The following XK variants were observed in gnomAD, a reference collection of about 807,000 sequenced individuals.
The protein encoded by XK is endoplasmic reticulum membrane adapter protein XK.
XK carries 2 observed loss-of-function variants against 14.0 expected under a neutral mutation model. The ratio of observed to expected loss-of-function variants is 0.14; its 90% confidence interval spans 0.06 to 0.45. The LOEUF is 0.45. Ranked by LOEUF, XK falls within the 20% of genes least tolerant of loss-of-function variation. XK has a pLI of 0.98. For missense variants in XK, 235 were observed against 341.5 expected, an observed-to-expected ratio of 0.69 and a Z score of 2.46; for synonymous variants, 149 against 147.5, an observed-to-expected ratio of 1.01 and a Z score of -0.08.
rs1037730828 is a variant in XK at position 37,730,403 on chromosome X, T to C, written c.*1941T>C. The stretch of plus-strand genomic sequence containing the variant: ...GACTTTGAATAAAATAAAGCTACCA[T>C]GTTAATACATCATTTTTTGTTTCTT... On this transcript the variant is annotated 3_prime_UTR_variant, in exon 3 of 3. Transcript: ENST00000378616. The C allele has an allele frequency of 4.4e-5, 5 of 112,736 alleles. No individual in the cohort carries two copies. The highest frequency in any genetic ancestry group is 9.4e-5 in the Non-Finnish European group (5 of 53,307). 9.3% of individuals were successfully genotyped at this position (112,736 alleles called of 1,213,427 possible).
At position 37,690,868 on chromosome X, in the gene XK, T is replaced by G. The variant is rs782665837; in HGVS notation, c.246-3418T>G. On this transcript the variant is annotated intron_variant, in intron 1 of 2. Transcript: ENST00000378616. Reference sequence around the variant, plus strand: ...TAAAAGTATCTAATTTCTGGCTTTATTTAGACCTCTCAAGCAACAAACAAA... The same window carrying G: ...TAAAAGTATCTAATTTCTGGCTTTAGTTAGACCTCTCAAGCAACAAACAAA... 2.7e-5 allele frequency among the ~76,000 whole-genome samples: 3 copies of G among 112,422 alleles called. No homozygotes were observed. In the South Asian group the frequency reaches 1.1e-3, roughly 41 times the overall value.
Position 37,727,983 on chromosome X carries a change from C to T in XK, c.856C>T (p.Leu286Phe). The T allele has an allele frequency of 8.3e-7, 1 of 1,211,316 alleles. No individual in the cohort carries two copies. The highest frequency in any genetic ancestry group is 3.0e-5 in the East Asian group (1 of 33,806). ...CATTGTACTATGCTTTCTAACTTTA[C>T]TCTATACTGGTATCAACATGTTCTG... is the stretch of plus-strand genomic sequence containing the variant. ...TTIVLCFLTL[L>F]YTGINMFCWS... The change falls in exon 3 of 3, where the codon CTC becomes TTC. Residue 286 changes from leucine (L) to phenylalanine (F), a missense_variant. Transcript: ENST00000378616.
chrX:37,716,067 C>T (rs1433549580), intron 2 of XK, among the ~76,000 whole-genome samples: 2 of 112,201 alleles, frequency 1.8e-5, no homozygotes, highest in South Asian at 3.7e-4. Flanking sequence ...CTTGTCAAGG[C>T]TGTGCCTGAG....
chrX:37,705,426 T>C lies in XK; in HGVS notation c.508+10878T>C, dbSNP rs1332830865. Among the ~76,000 whole-genome samples, 16 of 107,185 alleles carry C rather than the reference T, an allele frequency of 1.5e-4. No individual in the cohort carries two copies. In the East Asian group the frequency reaches 4.0e-3, roughly 27 times the overall value. 93.1% of individuals were successfully genotyped at this position (107,185 alleles called of 115,157 possible). A position where few individuals can be genotyped will look rare whatever the true frequency, so the allele number is the denominator to read the frequency against. On this transcript the variant is annotated intron_variant, in intron 2 of 2. Transcript: ENST00000378616. ...GAGCTCGCGCCACTGGACTCCAGCCTGGGTGAAAGAGCGAGACTCTGTCTC... is the reference window on the plus strand; with the variant it reads ...GAGCTCGCGCCACTGGACTCCAGCCCGGGTGAAAGAGCGAGACTCTGTCTC...
At chrX:37,717,291 G>T (rs190107340) in intron 2 of XK, among the ~76,000 whole-genome samples, 1 of 111,604 alleles carries the variant, frequency 9.0e-6, no homozygotes, top group African/African-American at 3.3e-5. Context: ...TTAAGGCTAC[G>T]ATTCTGGAGC....
At chrX:37,716,048 CA>C (rs1200735310) in intron 2 of XK, among the ~76,000 whole-genome samples, 1 of 111,992 alleles carries the variant, frequency 8.9e-6, no homozygotes, top group Non-Finnish European at 1.9e-5. Context: ...CACCTCCACA[CA>C]AGGGTGTCTT....
At chrX:37,727,187 A>C (rs782095228) in intron 2 of XK, among the ~76,000 whole-genome samples, 2 of 111,722 alleles carry the variant, frequency 1.8e-5, no homozygotes, top group Admixed American at 9.5e-5. Flanking sequence ...GTGTGGAAGA[A>C]GAGAAATGAG....
intron 2 of XK, among the ~76,000 whole-genome samples, chrX:37,702,121 A>G (rs782476530): frequency 1.9e-3 from 214 of 111,853 alleles, no homozygotes; most frequent in Non-Finnish European, 3.4e-3. Context: ...TGCTGTTGCC[A>G]TGAAGTGATG....
intron 2 of XK, among the ~76,000 whole-genome samples, chrX:37,724,231 G>A (rs149842757): frequency 0.014 from 1,554 of 111,338 alleles, 25 homozygotes; most frequent in African/African-American, 0.047. Flanking sequence ...TGTACATTTA[G>A]ATAGAGACAA....
Position 37,694,369 on chromosome X carries a change from C to CA in XK, c.335dup (p.Asn112LysfsTer8). On this transcript the variant is annotated frameshift_variant, in exon 2 of 3. Coordinates refer to ENST00000378616, the MANE Select transcript of XK (RefSeq NM_021083.4). LOFTEE classifies it high-confidence loss of function. ...AGTATCACCAAGAAGAGGCAAATGC[C>CA]AAAAAATGGCCTCTCAGAGGAGATT... is the stretch of plus-strand genomic sequence containing the variant. 1 of 1,209,009 alleles carries CA rather than the reference C, an allele frequency of 8.3e-7. No homozygotes were observed. Among genetic ancestry groups the CA allele is most frequent in the Non-Finnish European group, 1.1e-6 (1 of 893,872 alleles).
chrX:37,731,666 T>C lies in XK; in HGVS notation c.*3204T>C, dbSNP rs1226979412. 9 of 112,010 alleles carry C rather than the reference T, an allele frequency of 8.0e-5. No homozygotes were observed. Among genetic ancestry groups the C allele is most frequent in the Non-Finnish European group, 1.7e-4 (9 of 53,157 alleles). 9.2% of individuals were successfully genotyped at this position (112,010 alleles called of 1,213,427 possible). On this transcript the variant is annotated 3_prime_UTR_variant, in exon 3 of 3. Transcript: ENST00000378616. ...CCTGAGTGGATATGCGAATCTTTGG[T>C]CTTCTCGACAGGTGCCCTTTCTCTT...
Position 37,730,661 on chromosome X carries a change from T to C in XK, c.*2199T>C, listed in dbSNP as rs1355360600. ...TTCAGCTCAGGCCTTGGGAGTGAGG[T>C]GTGGGAGTAGCCACCAGCCTCCCAC... On this transcript the variant is annotated 3_prime_UTR_variant, in exon 3 of 3. Transcript: ENST00000378616. The C allele has an allele frequency of 1.8e-5, 2 of 112,523 alleles. No homozygotes were observed. The highest frequency in any genetic ancestry group is 3.8e-5 in the Non-Finnish European group (2 of 53,275). The allele number at this position is 112,523 out of a possible 1,213,427, so 9.3% of individuals were successfully genotyped here. A position where few individuals can be genotyped will look rare whatever the true frequency, so the allele number is the denominator to read the frequency against.
At chrX:37,704,083 T>C (rs1187659352) in intron 2 of XK, among the ~76,000 whole-genome samples, 2 of 112,274 alleles carry the variant, frequency 1.8e-5, no homozygotes, top group Admixed American at 9.4e-5. Flanking sequence ...GGTGATGTGA[T>C]GTCATGAGAA....
chrX:37,700,120 TG>T (rs1374692444), intron 2 of XK, among the ~76,000 whole-genome samples: 4 of 111,727 alleles, frequency 3.6e-5, no homozygotes, highest in African/African-American at 9.8e-5. Context: ...CCTGTTTTCC[TG>T]GTTGTTATTC....
At chrX:37,710,103 A>G (rs184152108) in intron 2 of XK, among the ~76,000 whole-genome samples, 1 of 112,574 alleles carries the variant, frequency 8.9e-6, no homozygotes, top group Non-Finnish European at 1.9e-5. Flanking sequence ...ATTTCTGTAA[A>G]CCATGGATGC....
At chrX:37,712,687 G>T (rs1927689808) in intron 2 of XK, among the ~76,000 whole-genome samples, 1 of 111,668 alleles carries the variant, frequency 9.0e-6, no homozygotes, top group African/African-American at 3.3e-5. Flanking sequence ...ACTCTGGGTG[G>T]CTGTGGGTCT....
At position 37,685,812 on chromosome X, in the gene XK, G is replaced by C. The variant is rs1927047719; in HGVS notation, c.-150G>C. 1.9e-6 allele frequency: 1 copy of C among 529,189 alleles called. No individual in the cohort carries two copies. Among genetic ancestry groups the C allele is most frequent in the African/African-American group, 2.6e-5 (1 of 38,244 alleles). 43.6% of individuals were successfully genotyped at this position (529,189 alleles called of 1,213,427 possible). A position where few individuals can be genotyped will look rare whatever the true frequency, so the allele number is the denominator to read the frequency against. On this transcript the variant is annotated 5_prime_UTR_variant, in exon 1 of 3. Coordinates refer to ENST00000378616, the MANE Select transcript of XK (RefSeq NM_021083.4). ...TTCCAGAGCCCAGGCCGGTCGGCCGGGCCCGCGTGCCCTCGGCGGGCTGCG... is the reference window on the plus strand; with the variant it reads ...TTCCAGAGCCCAGGCCGGTCGGCCGCGCCCGCGTGCCCTCGGCGGGCTGCG...
chrX:37,707,345 G>A (rs1172103408), intron 2 of XK, among the ~76,000 whole-genome samples: 2 of 110,859 alleles, frequency 1.8e-5, no homozygotes, highest in African/African-American at 6.6e-5. Context: ...TGGCTGCCGG[G>A]CGGAGATGCT....
chrX:37,708,806 A>G (rs781994131), intron 2 of XK, among the ~76,000 whole-genome samples: 5 of 112,311 alleles, frequency 4.5e-5, no homozygotes, highest in Non-Finnish European at 9.4e-5. Context: ...CAAACCTCCT[A>G]CAACTTTCTT....
Sources: gnomAD v4.1 joint callset for allele counts (sites outside exome capture counted in the v4.1 genomes callset) on GRCh38, gnomAD v4.1.1 for gene constraint, MANE v1.5 for transcripts, NCBI Gene and HGNC (gene_info 2026-07-23, HGNC 2026-07-21) for gene names.